KCTD8: variants seen among roughly 807,000 people sequenced by gnomAD.
The protein encoded by KCTD8 is BTB/POZ domain-containing protein KCTD8.
A neutral mutation model predicts 31.5 loss-of-function variants in KCTD8; 27 were observed. The ratio of observed to expected loss-of-function variants is 0.86; its 90% CI spans 0.63 to 1.18. KCTD8 has a LOEUF of 1.18. KCTD8 is among the 50% of genes most tolerant of loss of function. The pLI, the probability that KCTD8 is intolerant of heterozygous loss-of-function variation, is 0.00. For synonymous variants in KCTD8, 290 were observed against 280.0 expected (o/e 1.04, Z -0.36); for missense variants, 658 against 647.7 (o/e 1.02, Z -0.17).
rs766389149 is a variant in KCTD8, at chr4:44,174,746, T to TAAACATTGAATGTCATCAAAATACTG, written c.*18_*43dup. ...CATCAGTCAGGTGGTGACACTGTAGTAAACATTGAATGTCATCAAAATACT... is the reference window on the plus strand; with the variant it reads ...CATCAGTCAGGTGGTGACACTGTAGTAAACATTGAATGTCATCAAAATACTGAAACATTGAATGTCATCAAAATACT... On this transcript the variant is annotated 3_prime_UTR_variant, in exon 2 of 2. Coordinates refer to ENST00000360029, the MANE Select transcript of KCTD8 (RefSeq NM_198353.3). 2.1e-6 allele frequency: 3 copies of TAAACATTGAATGTCATCAAAATACTG among 1,443,470 alleles called. No individual in the cohort carries two copies. The highest frequency in any genetic ancestry group is 2.9e-6 in the Non-Finnish European group (3 of 1,051,904). 89.4% of individuals were successfully genotyped at this position (1,443,470 alleles called of 1,614,324 possible).
Position 44,174,122 on chromosome 4 carries a change from A to G in KCTD8, c.*668T>C, listed in dbSNP as rs185150923. The G allele has an allele frequency of 5.9e-5, 9 of 152,472 alleles. No homozygotes were observed. The highest frequency in any genetic ancestry group is 2.2e-4 in the African/African-American group (9 of 41,580). The allele number at this position is 152,472 out of a possible 1,614,324, so 9.4% of individuals were successfully genotyped here. On this transcript the variant is annotated 3_prime_UTR_variant, in exon 2 of 2. Coordinates refer to ENST00000360029, the MANE Select transcript of KCTD8 (RefSeq NM_198353.3). ...TAAGGCATATTTACACCATCTTAAT[A>G]TACATAAACACCATACACATACACA...
chr4:44,187,125 T>C (rs1293404075), intron 1 of KCTD8, among the ~76,000 whole-genome samples: 1 of 152,238 alleles, frequency 6.6e-6, no homozygotes, highest in Non-Finnish European at 1.5e-5. Context: ...GCAAAGTTCC[T>C]ACCTTATCCC....
chr4:44,403,615 G>C (rs1465623118), intron 1 of KCTD8, among the ~76,000 whole-genome samples: 1 of 151,960 alleles, frequency 6.6e-6, no homozygotes, highest in Non-Finnish European at 1.5e-5. Flanking sequence ...AAACATATTA[G>C]GTGTCTTTTT....
chr4:44,447,449 G>A (rs1214510584), intron 1 of KCTD8, 114 bp downstream of exon 1: 11 of 1,418,410 alleles, frequency 7.8e-6, no homozygotes, highest in Non-Finnish European at 1.0e-5. Flanking sequence ...TCTCTATAAG[G>A]AGTTAACCAG....
chr4:44,319,418 C>CA (rs1718230064), intron 1 of KCTD8, among the ~76,000 whole-genome samples: 1 of 148,730 alleles, frequency 6.7e-6, no homozygotes, highest in Non-Finnish European at 1.5e-5. Flanking sequence ...AGGTGACTAA[C>CA]AGAGATCAAA....
rs1322148069 is a variant in KCTD8, at chr4:44,181,203, GT to G, written c.962-5954del. ...GTCTCCCTCTCCCTCTCTTTCCACGGTCTCCCTCTCCCTCTCTTTCCACGGT... is the reference window on the plus strand; with the variant it reads ...GTCTCCCTCTCCCTCTCTTTCCACGGCTCCCTCTCCCTCTCTTTCCACGGT... On this transcript the variant is annotated intron_variant, in intron 1 of 1. Coordinates refer to ENST00000360029, the MANE Select transcript of KCTD8 (RefSeq NM_198353.3). Among the ~76,000 whole-genome samples the G allele has an allele frequency of 2.0e-4, 20 of 98,432 alleles. No individual in the cohort carries two copies. The South Asian group carries it at 4.6e-3, about 23-fold the overall frequency. The allele number at this position is 98,432 out of a possible 152,430, so 64.6% of individuals were successfully genotyped here. A position where few individuals can be genotyped will look rare whatever the true frequency, so the allele number is the denominator to read the frequency against.
chr4:44,241,330 A>T (rs1715451669), intron 1 of KCTD8, among the ~76,000 whole-genome samples: 1 of 152,264 alleles, frequency 6.6e-6, no homozygotes, highest in South Asian at 2.1e-4. Flanking sequence ...CAAAAATCAA[A>T]TAGCTGACAT....
In KCTD8 at chr4:44,401,011, CTTTTTT is replaced by C. The variant is rs59602420; in HGVS notation, c.961+46546_961+46551del. Among the ~76,000 whole-genome samples, 260 of 95,916 alleles carry C rather than the reference CTTTTTT, an allele frequency of 2.7e-3. 4 individuals are homozygous for C. The highest frequency in any genetic ancestry group is 0.019 in the East Asian group (53 of 2,782). 62.9% of individuals were successfully genotyped at this position (95,916 alleles called of 152,430 possible). ...ACTACCATGATGGCTAATTTTCTTT[CTTTTTT>C]TTTTTTTTTTTTTTTTGTAGAGATG... On this transcript the variant is annotated intron_variant, in intron 1 of 1. Transcript: ENST00000360029.
chr4:44,207,220 T>A (rs998439204), intron 1 of KCTD8, among the ~76,000 whole-genome samples: 1 of 152,218 alleles, frequency 6.6e-6, no homozygotes. Context: ...TCAATAAATA[T>A]TGTAAAATAA....
chr4:44,437,080 A>G (rs1721669717), intron 1 of KCTD8, among the ~76,000 whole-genome samples: 1 of 151,724 alleles, frequency 6.6e-6, no homozygotes, highest in African/African-American at 2.4e-5. Flanking sequence ...TTTTAACCAA[A>G]GAAACTTCAA....
At chr4:44,442,826 A>G (rs1721848068) in intron 1 of KCTD8, among the ~76,000 whole-genome samples, 1 of 151,434 alleles carries the variant, frequency 6.6e-6, no homozygotes, top group Non-Finnish European at 1.5e-5. Context: ...ATCCTAAGCT[A>G]CAAGAGAAAG....
intron 1 of KCTD8, among the ~76,000 whole-genome samples, chr4:44,398,749 T>C (rs918655248): frequency 6.6e-6 from 1 of 152,188 alleles, no homozygotes; most frequent in Non-Finnish European, 1.5e-5. Flanking sequence ...TCCTGCAGAA[T>C]GAGCCAACTA....
At chr4:44,414,563 G>A (rs1294846169) in intron 1 of KCTD8, among the ~76,000 whole-genome samples, 1 of 152,126 alleles carries the variant, frequency 6.6e-6, no homozygotes, top group Non-Finnish European at 1.5e-5. Context: ...TGGCCCCTGA[G>A]GGCTGAGAAT....
At chr4:44,311,938 T>C (rs1717963451) in intron 1 of KCTD8, among the ~76,000 whole-genome samples, 1 of 151,330 alleles carries the variant, frequency 6.6e-6, no homozygotes, top group Non-Finnish European at 1.5e-5. Flanking sequence ...TGGTCATAAC[T>C]AGACTGCCCA....
At chr4:44,394,353 T>C (rs1202942947) in intron 1 of KCTD8, among the ~76,000 whole-genome samples, 1 of 152,018 alleles carries the variant, frequency 6.6e-6, no homozygotes, top group Non-Finnish European at 1.5e-5. Context: ...ATATCTTCTT[T>C]GAGCTTCCAA....
intron 1 of KCTD8, among the ~76,000 whole-genome samples, chr4:44,266,921 T>G (rs987844022): frequency 1.3e-5 from 2 of 151,710 alleles, no homozygotes; most frequent in African/African-American, 4.8e-5. Flanking sequence ...ACAAAGAGAC[T>G]TAGACTCCCA....
chr4:44,448,569 T>G lies in KCTD8; in HGVS notation c.-46A>C, dbSNP rs769520837. The G allele has an allele frequency of 3.1e-4, 436 of 1,396,956 alleles. No individual in the cohort carries two copies. The highest frequency in any genetic ancestry group is 4.0e-4 in the Non-Finnish European group (429 of 1,079,638). 86.5% of individuals were successfully genotyped at this position (1,396,956 alleles called of 1,614,324 possible). A position where few individuals can be genotyped will look rare whatever the true frequency, so the allele number is the denominator to read the frequency against. On this transcript the variant is annotated 5_prime_UTR_variant, in exon 1 of 2. Transcript: ENST00000360029. This position sits in a 1 kb window ranked among gnomAD's most constrained non-coding sequence, Gnocchi z 4.1. Reference sequence around the variant, plus strand: ...AGTGACCCGAGAGAGCTGCACTTTCTCGTTCCCGGAGCCCGCGCCCCAGCC... The same window carrying G: ...AGTGACCCGAGAGAGCTGCACTTTCGCGTTCCCGGAGCCCGCGCCCCAGCC...
intron 1 of KCTD8, among the ~76,000 whole-genome samples, chr4:44,204,107 C>T (rs1028166963): frequency 1.3e-5 from 2 of 151,720 alleles, no homozygotes; most frequent in Admixed American, 1.3e-4. Context: ...ATATAATTAC[C>T]ACAATAGTTC....
At chr4:44,331,802 GTA>G (rs1350027049) in intron 1 of KCTD8, among the ~76,000 whole-genome samples, 2 of 147,942 alleles carry the variant, frequency 1.4e-5, no homozygotes, top group Admixed American at 6.8e-5. Flanking sequence ...CTCTCTGTGT[GTA>G]TATATATATA....
Sources: gnomAD v4.1 joint callset for allele counts (sites outside exome capture counted in the v4.1 genomes callset) on GRCh38, gnomAD v4.1.1 for gene constraint, Gnocchi (gnomAD v3.1) non-coding constraint, MANE v1.5 for transcripts, NCBI Gene and HGNC (gene_info 2026-07-23, HGNC 2026-07-21) for gene names.